The following KDM6A variants were observed in gnomAD, a reference collection of about 807,000 sequenced individuals.
KDM6A encodes the protein lysine-specific demethylase 6A.
KDM6A carries 11 observed loss-of-function variants against 117.6 expected under a neutral mutation model. The ratio of observed to expected loss-of-function variants is 0.09; its 90% CI spans 0.06 to 0.15. The LOEUF is 0.15. Ranked by LOEUF, KDM6A falls within the 10% of genes least tolerant of loss-of-function variation. The pLI is 1.00. For synonymous variants in KDM6A, 384 were observed against 396.1 expected, an observed-to-expected ratio of 0.97 and a Z score of 0.36; for missense variants, 799 against 1,077.3, an observed-to-expected ratio of 0.74 and a Z score of 3.62.
intron 2 of KDM6A, among the ~76,000 whole-genome samples, chrX:44,891,761 C>T (rs901436161): frequency 4.5e-5 from 5 of 111,662 alleles, no homozygotes; most frequent in African/African-American, 1.3e-4. Context: ...TTGGCTGGAA[C>T]GGGACTTCAC....
intron 3 of KDM6A, among the ~76,000 whole-genome samples, chrX:44,965,142 C>T (rs1196699294): frequency 8.9e-6 from 1 of 112,075 alleles, no homozygotes; most frequent in African/African-American, 3.2e-5. Flanking sequence ...CTTCTCTTGG[C>T]CTTCATAGAA....
At chrX:44,932,084 CTTTTT>C (rs796121677) in intron 2 of KDM6A, among the ~76,000 whole-genome samples, 1 of 17,072 alleles carries the variant, frequency 5.9e-5, no homozygotes, top group African/African-American at 2.3e-4. Flanking sequence ...TCTAGGTAGC[CTTTTT>C]TTTTTTTTTT....
At chrX:44,882,979 A>G (rs998710496) in intron 2 of KDM6A, among the ~76,000 whole-genome samples, 2 of 111,501 alleles carry the variant, frequency 1.8e-5, no homozygotes, top group South Asian at 7.4e-4. Context: ...ACTTTTTATT[A>G]TGCATCATTT....
At chrX:45,004,798 G>A (rs759527509) in intron 4 of KDM6A, among the ~76,000 whole-genome samples, 5 of 111,329 alleles carry the variant, frequency 4.5e-5, no homozygotes, top group African/African-American at 1.6e-4. Context: ...TTCACCAGGA[G>A]GATGCTCACA....
intron 6 of KDM6A, among the ~76,000 whole-genome samples, chrX:45,023,578 G>A (rs2042251894): frequency 1.8e-5 from 2 of 111,555 alleles, no homozygotes; most frequent in African/African-American, 6.5e-5. Context: ...TGAAGAACTA[G>A]AATAATTATA....
chrX:45,112,172 TC>T lies in KDM6A; in HGVS notation c.*763del, dbSNP rs2046786255. The T allele has an allele frequency of 6.1e-6, 1 of 163,769 alleles. No individual in the cohort carries two copies. Among genetic ancestry groups the T allele is most frequent in the Non-Finnish European group, 1.2e-5 (1 of 84,145 alleles). The allele number at this position is 163,769 out of a possible 1,213,427, so 13.5% of individuals were successfully genotyped here. A position where few individuals can be genotyped will look rare whatever the true frequency, so the allele number is the denominator to read the frequency against. Reference sequence around the variant, plus strand: ...GGAGTTCTGTAATTTCAAACACTACTCCTATTACATTTTCTATGTGTAAATA... The same window carrying T: ...GGAGTTCTGTAATTTCAAACACTACTCTATTACATTTTCTATGTGTAAATA... On this transcript the variant is annotated 3_prime_UTR_variant, in exon 30 of 30. Transcript: ENST00000611820.
chrX:44,904,452 A>G (rs984484241), intron 2 of KDM6A, among the ~76,000 whole-genome samples: 2 of 112,028 alleles, frequency 1.8e-5, no homozygotes, highest in Non-Finnish European at 3.8e-5. Context: ...AAACTCTTAC[A>G]GACATCTCAG....
intron 6 of KDM6A, among the ~76,000 whole-genome samples, chrX:45,033,543 C>T (rs2042686318): frequency 9.0e-6 from 1 of 111,141 alleles, no homozygotes; most frequent in Non-Finnish European, 1.9e-5. Flanking sequence ...TATGCATGCA[C>T]ATCAGAGACT....
At chrX:45,050,195 C>T (rs899980884) in intron 8 of KDM6A, among the ~76,000 whole-genome samples, 14 of 112,570 alleles carry the variant, frequency 1.2e-4, no homozygotes, top group African/African-American at 2.3e-4. Flanking sequence ...CAAAAGTAGG[C>T]GGGCGTGGTG....
intron 2 of KDM6A, among the ~76,000 whole-genome samples, chrX:44,926,325 G>A (rs778741416): frequency 2.4e-4 from 27 of 111,231 alleles, no homozygotes; most frequent in African/African-American, 6.9e-4. Flanking sequence ...TGTTCGCCTC[G>A]GCCTCCCGAA....
intron 25 of KDM6A, among the ~76,000 whole-genome samples, chrX:45,088,104 TTTCTC>T (rs1454283834): frequency 1.8e-5 from 2 of 111,516 alleles, no homozygotes; most frequent in Non-Finnish European, 3.8e-5. Flanking sequence ...GATAAAAAGT[TTTCTC>T]TAATTTTGTA....
intron 27 of KDM6A, among the ~76,000 whole-genome samples, chrX:45,093,888 T>C (rs1467277383): frequency 9.0e-6 from 1 of 111,296 alleles, no homozygotes; most frequent in African/African-American, 3.3e-5. Context: ...ATACATTTCT[T>C]TTTTTTAACC....
At chrX:44,961,190 G>A (rs2038650476) in intron 2 of KDM6A, 94 bp from the exon 3 acceptor site, 1 of 573,119 alleles carries the variant, frequency 1.7e-6, no homozygotes, top group African/African-American at 2.3e-5. Flanking sequence ...GACTTCTTAG[G>A]TGATCGAATG....
intron 2 of KDM6A, among the ~76,000 whole-genome samples, chrX:44,880,481 A>C (rs1475298237): frequency 9.5e-6 from 1 of 105,793 alleles, no homozygotes; most frequent in Non-Finnish European, 1.9e-5. Context: ...CACCGTAGAC[A>C]TATATTACCT....
At chrX:44,985,346 A>G (rs1230267264) in intron 4 of KDM6A, among the ~76,000 whole-genome samples, 2 of 111,794 alleles carry the variant, frequency 1.8e-5, no homozygotes, top group Non-Finnish European at 3.8e-5. Flanking sequence ...CAATCATGTC[A>G]TCTGCAAACA....
In KDM6A at chrX:44,995,882, T is replaced by G. The variant is rs143842878; in HGVS notation, c.385-15079T>G. 1.5e-3 allele frequency among the ~76,000 whole-genome samples: 173 copies of G among 111,640 alleles called. 1 individual carries two copies. Among genetic ancestry groups the G allele is most frequent in the African/African-American group, 5.5e-3 (169 of 30,703 alleles). ...AAGTTGTTGATGTTATTAGATGCAT[T>G]GCCCCGTTGTCACAAAAATTCTAAA... On this transcript the variant is annotated intron_variant, in intron 4 of 29. Transcript: ENST00000611820.
At chrX:44,891,131 T>C (rs1453424682) in intron 2 of KDM6A, among the ~76,000 whole-genome samples, 1 of 111,427 alleles carries the variant, frequency 9.0e-6, no homozygotes, top group Admixed American at 9.6e-5. Context: ...CTCTATAACT[T>C]TGAATGATTT....
intron 2 of KDM6A, among the ~76,000 whole-genome samples, chrX:44,932,604 C>T (rs1330713539): frequency 9.0e-6 from 1 of 111,688 alleles, no homozygotes; most frequent in Non-Finnish European, 1.9e-5. Context: ...TGATTTTTCA[C>T]TTAACTGCCC....
chrX:45,062,943 G>A (rs2044365762), intron 16 of KDM6A, among the ~76,000 whole-genome samples, 195 bp downstream of exon 16: 1 of 111,916 alleles, frequency 8.9e-6, no homozygotes, highest in Admixed American at 9.5e-5. Flanking sequence ...TTTTGAAGAA[G>A]ATACTTTGTA....
Sources: gnomAD v4.1 joint callset for allele counts (sites outside exome capture counted in the v4.1 genomes callset) on GRCh38, gnomAD v4.1.1 for gene constraint, MANE v1.5 for transcripts, NCBI Gene and HGNC (gene_info 2026-07-23, HGNC 2026-07-21) for gene names.